Variants in CDC23 observed in about 807,000 individuals in gnomAD.
The protein encoded by CDC23 is cell division cycle 23, also known as cell division cycle protein 23 homolog.
A neutral mutation model predicts 81.7 loss-of-function variants in CDC23; 26 were observed. The ratio of observed to expected loss-of-function variants is 0.32; its 90% CI spans 0.23 to 0.44. CDC23 has a LOEUF of 0.44. Ranked by LOEUF, CDC23 falls within the 20% of genes least tolerant of loss-of-function variation. CDC23 has a pLI of 1.00. For missense variants in CDC23, 519 were observed against 728.0 expected (o/e 0.71, Z 3.30); for synonymous variants, 267 against 270.8 (o/e 0.99, Z 0.14).
intron 6 of CDC23, 116 bp from the exon 7 acceptor site, chr5:138,198,898 A>C: frequency 9.8e-7 from 1 of 1,023,990 alleles, no homozygotes; most frequent in Non-Finnish European, 1.4e-6. Context: ...TTATTAGAAC[A>C]CCTAGTAATG....
chr5:138,207,127 G>T (rs1755059062), intron 2 of CDC23, among the ~76,000 whole-genome samples: 1 of 152,044 alleles, frequency 6.6e-6, no homozygotes. Context: ...TGATCTGCCT[G>T]CCTCGGCTTC....
At chr5:138,195,829 T>TTATA (rs1191800319) in intron 9 of CDC23, among the ~76,000 whole-genome samples, 57 of 131,476 alleles carry the variant, frequency 4.3e-4, no homozygotes, top group African/African-American at 1.5e-3. Flanking sequence ...ATAATATATA[T>TTATA]TATATACATA....
intron 9 of CDC23, 25 bp from the exon 10 acceptor site, chr5:138,192,682 T>A: frequency 6.3e-7 from 1 of 1,594,188 alleles, no homozygotes; most frequent in African/African-American, 1.4e-5. Flanking sequence ...AACAAAAAAA[T>A]GAATAATCAG....
chr5:138,197,681 G>A (rs1400452314), intron 9 of CDC23, among the ~76,000 whole-genome samples: 1 of 151,064 alleles, frequency 6.6e-6, no homozygotes, highest in Non-Finnish European at 1.5e-5. Context: ...ATTTTTAGTA[G>A]AGATGGGATT....
intron 9 of CDC23, among the ~76,000 whole-genome samples, chr5:138,197,319 A>AC (rs1224830729): frequency 1.3e-5 from 2 of 149,006 alleles, no homozygotes; most frequent in Non-Finnish European, 3.0e-5. Flanking sequence ...AAAAAAAAAA[A>AC]AAAAGTACAT....
At chr5:138,204,521 A>G (rs964435049) in intron 3 of CDC23, among the ~76,000 whole-genome samples, 16 of 150,204 alleles carry the variant, frequency 1.1e-4, no homozygotes, top group Non-Finnish European at 1.5e-4. Context: ...AAAAAAAAAA[A>G]GTACATAAGT....
intron 15 of CDC23, 83 bp downstream of exon 15, chr5:138,189,550 G>A (rs1209268582): frequency 7.1e-7 from 1 of 1,404,394 alleles, no homozygotes; most frequent in Non-Finnish European, 9.8e-7. Context: ...TGAGCCGCTT[G>A]CCTGGCCAAG....
chr5:138,197,564 T>C (rs1029457086), intron 9 of CDC23, among the ~76,000 whole-genome samples: 3 of 150,412 alleles, frequency 2.0e-5, no homozygotes, highest in Non-Finnish European at 4.4e-5. Flanking sequence ...TGGCACGATC[T>C]TGGCTCACTG....
chr5:138,198,613 T>G lies in CDC23; in HGVS notation c.824A>C (p.Asn275Thr), dbSNP rs1461375856. The G allele has an allele frequency of 6.2e-7, 1 of 1,614,118 alleles. No individual in the cohort carries two copies. The change falls in exon 7 of 16, where the codon AAT (asparagine) becomes ACT (threonine). Residue 275 changes from asparagine (N) to threonine (T), a missense_variant. This residue lies in a region of CDC23 where 180 missense variants were observed against 239.3 expected (regional missense o/e 0.75). Transcript: ENST00000394886. ...IVSQIAVAYHNIRDIDKALSI... is the reference protein window; with the variant it reads ...IVSQIAVAYHTIRDIDKALSI... ...TGTCTTTATTCACTCACCTCTGATATTGTGATAGGCAACTGCAATTTGGGA... is the reference window on the plus strand; with the variant it reads ...TGTCTTTATTCACTCACCTCTGATAGTGTGATAGGCAACTGCAATTTGGGA...
chr5:138,199,974 C>A (rs1183387611), intron 6 of CDC23, among the ~76,000 whole-genome samples: 1 of 152,120 alleles, frequency 6.6e-6, no homozygotes, highest in Non-Finnish European at 1.5e-5. Context: ...TGAAGAACAG[C>A]AAAATAAACA....
chr5:138,191,450 T>C (rs367727615), intron 13 of CDC23, 24 bp downstream of exon 13: 4 of 1,608,486 alleles, frequency 2.5e-6, no homozygotes, highest in African/African-American at 2.7e-5. Context: ...GAAATATCAA[T>C]AGCATTTCAC....
Position 138,205,355 on chromosome 5 carries a change from T to C in CDC23, c.372+1192A>G, listed in dbSNP as rs1322147308. 2.6e-5 allele frequency among the ~76,000 whole-genome samples: 4 copies of C among 152,228 alleles called. No individual in the cohort carries two copies. In the East Asian group the frequency reaches 7.7e-4, roughly 29 times the overall value. On this transcript the variant is annotated intron_variant, in intron 3 of 15. Coordinates refer to ENST00000394886, the MANE Select transcript of CDC23 (RefSeq NM_004661.4). Reference sequence around the variant, plus strand: ...AAATACAATGGAATATTATTAAACTTTAAAAAAGGAAATTCTTATATATGC... The same window carrying C: ...AAATACAATGGAATATTATTAAACTCTAAAAAAGGAAATTCTTATATATGC...
intron 9 of CDC23, among the ~76,000 whole-genome samples, chr5:138,195,857 G>A (rs1754899314): frequency 1.5e-5 from 2 of 136,570 alleles, no homozygotes. Flanking sequence ...AAAATAAAAT[G>A]CTGCCGCTCA....
At chr5:138,204,629 CTT>C (rs71585106) in intron 3 of CDC23, among the ~76,000 whole-genome samples, 10 of 148,348 alleles carry the variant, frequency 6.7e-5, no homozygotes, top group Admixed American at 4.7e-4. Flanking sequence ...TCTCTTTTTT[CTT>C]TTTTTGGAGA....
intron 2 of CDC23, among the ~76,000 whole-genome samples, chr5:138,211,546 C>T (rs529296824): frequency 2.0e-5 from 3 of 152,078 alleles, no homozygotes; most frequent in South Asian, 2.1e-4. Flanking sequence ...GCCTGTAATC[C>T]GAGCTACTCG....
rs538283812 is a variant in CDC23, at chr5:138,213,223, C to T, written c.90G>A (p.Arg30=). 114 of 1,614,192 alleles carry T rather than the reference C, an allele frequency of 7.1e-5. No homozygotes were observed. In the South Asian group the frequency reaches 1.1e-3, roughly 15 times the overall value. ...TAAGCAGCAGTTGCTTTTTAATTTC[C>T]CGCAAATCTGAGAAATCGCTGTTTA... The part of the protein sequence containing the change: ...LSINSDFSDL[R]EIKKQLLLIA... Residue 30 remains arginine (R), a synonymous_variant, in exon 1 of 16, where the codon CGG becomes CGA. Transcript: ENST00000394886.
At chr5:138,203,964 C>T (rs1307070416) in intron 3 of CDC23, among the ~76,000 whole-genome samples, 1 of 151,848 alleles carries the variant, frequency 6.6e-6, no homozygotes, top group Non-Finnish European at 1.5e-5. Flanking sequence ...GTATCAAATG[C>T]CATATTTAAC....
chr5:138,201,033 C>T lies in CDC23; in HGVS notation c.654+74G>A, dbSNP rs1754983263. 15 of 1,530,902 alleles carry T rather than the reference C, an allele frequency of 9.8e-6. No individual in the cohort carries two copies. The East Asian group carries it at 3.2e-4, about 33-fold the overall frequency. The allele number at this position is 1,530,902 out of a possible 1,614,324, so 94.8% of individuals were successfully genotyped here. The stretch of plus-strand genomic sequence containing the variant: ...TAACCAAAGCCCTGCCAAAACTTTC[C>T]CCACCCCTATATTACTACAGAATTA... On this transcript the variant is annotated intron_variant, in intron 6 of 15. Coordinates refer to ENST00000394886, the MANE Select transcript of CDC23 (RefSeq NM_004661.4).
intron 9 of CDC23, among the ~76,000 whole-genome samples, chr5:138,194,414 G>A (rs1176338761): frequency 6.6e-6 from 1 of 151,990 alleles, no homozygotes; most frequent in Non-Finnish European, 1.5e-5. Context: ...GAGAGAGACC[G>A]TGTCTCAAAA....
Sources: gnomAD v4.1 joint callset for allele counts (sites outside exome capture counted in the v4.1 genomes callset) on GRCh38, gnomAD v4.1.1 for gene constraint, gnomAD v4.1.1 regional missense constraint, MANE v1.5 for transcripts, NCBI Gene and HGNC (gene_info 2026-07-23, HGNC 2026-07-21) for gene names.